The following CCDC7 variants were observed in gnomAD, a reference collection of about 807,000 sequenced individuals.
CCDC7 encodes the protein coiled-coil domain-containing protein 7.
In CCDC7, 183 loss-of-function variants were observed where a neutral mutation model predicts 196.9. The observed-to-expected ratio is 0.93, with a 90% CI of 0.82 to 1.05. CCDC7 has a LOEUF of 1.05. Ranked by LOEUF, CCDC7 falls within the 50% of genes least tolerant of loss-of-function variation. CCDC7 has a pLI of 0.00. For missense variants in CCDC7, 1,540 were observed against 1,482.2 expected (o/e 1.04, Z -0.64); for synonymous variants, 525 against 484.6 (o/e 1.08, Z -1.10).
At chr10:32,622,497 T>C (rs754778642) in intron 18 of CCDC7, among the ~76,000 whole-genome samples, 26 of 151,932 alleles carry the variant, frequency 1.7e-4, no homozygotes, top group Admixed American at 9.9e-4. Context: ...AGATGTACTA[T>C]GGGGGTGGGA....
Position 32,785,068 on chromosome 10 carries a change from A to G in CCDC7, c.3013+5984A>G, listed in dbSNP as rs764233636. 4.6e-5 allele frequency among the ~76,000 whole-genome samples: 7 copies of G among 152,158 alleles called. 1 individual carries two copies. The highest frequency in any genetic ancestry group is 1.0e-4 in the Non-Finnish European group (7 of 68,028). ...ATGAAGAACTGTGCAGAATTTATGG[A>G]TCTACAAAAATTGAACATCTCTACA... On this transcript the variant is annotated intron_variant, in intron 29 of 41. Transcript: ENST00000639629.
intron 29 of CCDC7, among the ~76,000 whole-genome samples, chr10:32,781,133 A>T (rs1210831817): frequency 6.6e-6 from 1 of 152,186 alleles, no homozygotes; most frequent in Non-Finnish European, 1.5e-5. Flanking sequence ...ATCTAAATAG[A>T]CCCCTAATTA....
rs113647233 is a variant in CCDC7 at position 32,853,033 on chromosome 10, A to G, written c.4021+1101A>G. ...ACTCCTAGCTTTTTATAGCTTCTCAAGCTGGGTTAGTCATTGTTCATTATA... is the reference window on the plus strand; with the variant it reads ...ACTCCTAGCTTTTTATAGCTTCTCAGGCTGGGTTAGTCATTGTTCATTATA... On this transcript the variant is annotated intron_variant, in intron 40 of 41. Coordinates refer to ENST00000639629, the Ensembl canonical transcript of CCDC7. Among the ~76,000 whole-genome samples the G allele has an allele frequency of 5.9e-4, 90 of 152,312 alleles. 1 individual carries two copies. The highest frequency in any genetic ancestry group is 2.1e-3 in the African/African-American group (86 of 41,582).
intron 30 of CCDC7, among the ~76,000 whole-genome samples, chr10:32,811,010 C>T (rs1436233875): frequency 1.3e-5 from 2 of 151,822 alleles, no homozygotes; most frequent in Non-Finnish European, 2.9e-5. Flanking sequence ...TGGGATATAA[C>T]AAAAGCAATG....
chr10:32,879,589 G>A (rs1284000059), downstream of CCDC7, among the ~76,000 whole-genome samples: 3 of 152,066 alleles, frequency 2.0e-5, no homozygotes, highest in Non-Finnish European at 4.4e-5. Context: ...TGACCGAATG[G>A]AGGCTCAGCA....
chr10:32,680,610 C>G (rs960885513), intron 21 of CCDC7, among the ~76,000 whole-genome samples: 2 of 148,392 alleles, frequency 1.3e-5, no homozygotes, highest in Non-Finnish European at 1.5e-5. Flanking sequence ...GTTCCCCACC[C>G]TGGGGACACA....
intron 11 of CCDC7, among the ~76,000 whole-genome samples, chr10:32,533,624 A>G (rs1471219781): frequency 6.6e-6 from 1 of 151,720 alleles, no homozygotes; most frequent in Non-Finnish European, 1.5e-5. Flanking sequence ...TTTTGTCTGG[A>G]GAAGACTTTA....
At chr10:32,850,246 A>C (rs1328698949) in intron 39 of CCDC7, among the ~76,000 whole-genome samples, 1 of 152,166 alleles carries the variant, frequency 6.6e-6, no homozygotes, top group Non-Finnish European at 1.5e-5. Flanking sequence ...CAAAGCAAAA[A>C]TGTGGTCTGC....
chr10:32,739,866 C>CG (rs893562416), intron 28 of CCDC7, among the ~76,000 whole-genome samples: 2 of 151,738 alleles, frequency 1.3e-5, no homozygotes, highest in African/African-American at 4.8e-5. Context: ...TTGCCCCCCC[C>CG]CACCAAACTG....
intron 13 of CCDC7, among the ~76,000 whole-genome samples, chr10:32,559,170 C>G (rs1040404944): frequency 2.6e-5 from 4 of 152,250 alleles, no homozygotes; most frequent in Non-Finnish European, 5.9e-5. Context: ...CCAGGAAGCT[C>G]GAACTGGGTG....
At chr10:32,603,492 A>G (rs2061276245) in intron 18 of CCDC7, among the ~76,000 whole-genome samples, 1 of 151,158 alleles carries the variant, frequency 6.6e-6, no homozygotes, top group African/African-American at 2.4e-5. Context: ...ATCATATTGT[A>G]GTTATATTTT....
chr10:32,862,266 G>A (rs1178707334), intron 41 of CCDC7, among the ~76,000 whole-genome samples: 1 of 152,106 alleles, frequency 6.6e-6, no homozygotes, highest in African/African-American at 2.4e-5. Flanking sequence ...GTCCTTTGCA[G>A]GGACATGGAT....
intron 37 of CCDC7, 52 bp from the exon 39 acceptor site, chr10:32,847,781 A>T: frequency 9.1e-7 from 1 of 1,094,650 alleles, no homozygotes. Context: ...ATACATGTGT[A>T]ACATAAATGG....
chr10:32,670,484 G>A lies in CCDC7; in HGVS notation c.2122+6323G>A, dbSNP rs200215032. On this transcript the variant is annotated intron_variant, in intron 21 of 41. Coordinates refer to ENST00000639629, the Ensembl canonical transcript of CCDC7. Reference sequence around the variant, plus strand: ...TATACATGTGCCATGCTGGTGCGCTGCACCCACTAACTCGTCATCTAGCAT... The same window carrying A: ...TATACATGTGCCATGCTGGTGCGCTACACCCACTAACTCGTCATCTAGCAT... Among the ~76,000 whole-genome samples, 157 of 151,494 alleles carry A rather than the reference G, an allele frequency of 1.0e-3. 2 individuals are homozygous for A. Among genetic ancestry groups the A allele is most frequent in the East Asian group, 0.01 (53 of 5,116 alleles).
intron 29 of CCDC7, among the ~76,000 whole-genome samples, chr10:32,798,775 C>T (rs991181352): frequency 6.6e-6 from 1 of 152,202 alleles, no homozygotes; most frequent in African/African-American, 2.4e-5. Flanking sequence ...TTTCTCTTCA[C>T]TGCTGTCCTT....
intron 8 of CCDC7, among the ~76,000 whole-genome samples, chr10:32,487,711 C>T (rs530514606): frequency 2.6e-5 from 4 of 152,322 alleles, no homozygotes; most frequent in African/African-American, 9.6e-5. Context: ...ACAGTCAGGA[C>T]CCTCAGCTGC....
At chr10:32,847,333 A>C (rs2093342391) in intron 37 of CCDC7, among the ~76,000 whole-genome samples, 1 of 152,144 alleles carries the variant, frequency 6.6e-6, no homozygotes, top group African/African-American at 2.4e-5. Context: ...GCAAAGAAAC[A>C]GTGAAGTGTG....
At chr10:32,512,331 G>GA (rs2046344530) in intron 9 of CCDC7, 1 of 152,330 alleles carries the variant, frequency 6.6e-6, no homozygotes, top group South Asian at 2.1e-4. Context: ...TTTTTCTAGG[G>GA]AGGCATAGAT....
chr10:32,587,063 AC>A (rs2059353284), intron 18 of CCDC7, among the ~76,000 whole-genome samples: 2 of 152,312 alleles, frequency 1.3e-5, no homozygotes, highest in African/African-American at 4.8e-5. Context: ...TATGAAGTAT[AC>A]CTAACATAAA....
Sources: gnomAD v4.1 joint callset for allele counts (sites outside exome capture counted in the v4.1 genomes callset) on GRCh38, gnomAD v4.1.1 for gene constraint, MANE v1.5 for transcripts, NCBI Gene and HGNC (gene_info 2026-07-23, HGNC 2026-07-21) for gene names.